CUL4A: variants seen among roughly 807,000 people sequenced by gnomAD.
The protein encoded by CUL4A is cullin 4A.
A neutral mutation model predicts 95.5 loss-of-function variants in CUL4A; 16 were observed. The observed-to-expected ratio is 0.17, with a 90% CI of 0.11 to 0.25. The LOEUF (loss-of-function observed/expected upper bound fraction) is 0.25, where lower values mean the gene tolerates loss of function less well. Ranked by LOEUF, CUL4A falls within the 10% of genes least tolerant of loss-of-function variation. The probability of loss-of-function intolerance (pLI) is 1.00; values close to 1 mark genes in which losing one functional copy is unlikely to be tolerated. For missense variants in CUL4A, 610 were observed against 937.0 expected, an observed-to-expected ratio of 0.65 and a Z score of 4.56; for synonymous variants, 380 against 353.1, an observed-to-expected ratio of 1.08 and a Z score of -0.85.
At chr13:113,217,591 C>G (rs1314809514) in intron 2 of CUL4A, among the ~76,000 whole-genome samples, 1 of 152,040 alleles carries the variant, frequency 6.6e-6, no homozygotes, top group African/African-American at 2.4e-5. Context: ...TAGCAGCTCT[C>G]CGATATTTAG....
intron 11 of CUL4A, among the ~76,000 whole-genome samples, chr13:113,243,508 A>C (rs781460612): frequency 6.6e-6 from 1 of 152,178 alleles, no homozygotes; most frequent in Non-Finnish European, 1.5e-5. Context: ...AAATGATAAT[A>C]CTATTTTTAA....
chr13:113,263,374 G>A (rs1033597205), intron 19 of CUL4A, 113 bp from the exon 20 acceptor site: 15 of 401,606 alleles, frequency 3.7e-5, no homozygotes, highest in Admixed American at 8.9e-5. Flanking sequence ...ATATCTATTT[G>A]TATATATATT....
At chr13:113,253,930 T>C (rs1230852725) in intron 16 of CUL4A, among the ~76,000 whole-genome samples, 1 of 152,250 alleles carries the variant, frequency 6.6e-6, no homozygotes, top group African/African-American at 2.4e-5. Context: ...AAATAAGTTA[T>C]ACATACCTAC....
chr13:113,255,962 G>A (rs923343313), intron 18 of CUL4A, among the ~76,000 whole-genome samples: 21 of 152,276 alleles, frequency 1.4e-4, no homozygotes, highest in African/African-American at 4.6e-4. Context: ...TCTTTCTCCC[G>A]AAGGTAACCA....
At position 113,244,521 on chromosome 13, in the gene CUL4A, C is replaced by T. The variant is rs1233083426; in HGVS notation, c.1333+7C>T. ...CTGTTCAGGTTTATCCACGGTGAGACTCGGGCACTCAGAAAATGCTGCATA... is the reference window on the plus strand; with the variant it reads ...CTGTTCAGGTTTATCCACGGTGAGATTCGGGCACTCAGAAAATGCTGCATA... On this transcript the variant is annotated splice_region_variant and intron_variant, in intron 12 of 19. Transcript: ENST00000375440. 6 of 1,600,382 alleles carry T rather than the reference C, an allele frequency of 3.7e-6. No homozygotes were observed. The highest frequency in any genetic ancestry group is 5.1e-6 in the Non-Finnish European group (6 of 1,170,226).
At chr13:113,243,208 C>T (rs1315991854) in intron 11 of CUL4A, 48 bp downstream of exon 11, 3 of 1,532,102 alleles carry the variant, frequency 2.0e-6, no homozygotes, top group Admixed American at 1.8e-5. Flanking sequence ...GAGACAGTCT[C>T]ACCCATTTCT....
intron 5 of CUL4A, chr13:113,230,331 C>CT (rs1450545560): frequency 6.6e-6 from 1 of 152,450 alleles, no homozygotes; most frequent in Non-Finnish European, 1.5e-5. Flanking sequence ...TTGCTCTTGT[C>CT]TGAGATGTCG....
intron 4 of CUL4A, 77 bp from the exon 5 acceptor site, chr13:113,229,369 A>C: frequency 8.5e-7 from 1 of 1,178,180 alleles, no homozygotes; most frequent in South Asian, 1.3e-5. Flanking sequence ...GACAGCTAGC[A>C]TGGAGTTAAA....
intron 1 of CUL4A, 45 bp downstream of exon 1, chr13:113,209,820 AC>A: frequency 9.5e-7 from 1 of 1,049,824 alleles, no homozygotes; most frequent in Non-Finnish European, 1.1e-6. Context: ...CCGGGCGGGG[AC>A]CCCACGAGAC....
chr13:113,237,979 AT>A (rs2041599396), intron 9 of CUL4A, among the ~76,000 whole-genome samples: 2 of 152,334 alleles, frequency 1.3e-5, no homozygotes, highest in South Asian at 2.1e-4. Flanking sequence ...AAACAGCCAG[AT>A]GTTGGTGCCT....
intron 15 of CUL4A, among the ~76,000 whole-genome samples, chr13:113,250,989 T>C (rs1274098024): frequency 6.6e-6 from 1 of 152,094 alleles, no homozygotes; most frequent in African/African-American, 2.4e-5. Flanking sequence ...CAGGAATTTC[T>C]GACAGGGCAC....
At chr13:113,233,483 A>C in intron 6 of CUL4A, 144 bp downstream of exon 6, 1 of 761,396 alleles carries the variant, frequency 1.3e-6, no homozygotes. Context: ...CTAGAAGGGG[A>C]ATAGCGCTCA....
At chr13:113,257,114 G>T (rs904483953) in intron 18 of CUL4A, among the ~76,000 whole-genome samples, 1 of 151,624 alleles carries the variant, frequency 6.6e-6, no homozygotes, top group African/African-American at 2.4e-5. Context: ...TAGTAGAGAC[G>T]GGGTTTCACC....
chr13:113,231,971 A>T (rs571177994), intron 5 of CUL4A, among the ~76,000 whole-genome samples: 22 of 146,158 alleles, frequency 1.5e-4, no homozygotes, highest in Admixed American at 1.2e-3. Context: ...AATATTATTA[A>T]TAATACTACC....
chr13:113,255,485 TA>T (rs1238364621), intron 18 of CUL4A, among the ~76,000 whole-genome samples: 1 of 152,216 alleles, frequency 6.6e-6, no homozygotes, highest in Non-Finnish European at 1.5e-5. Flanking sequence ...GGTAAATGTA[TA>T]ATGTTATGTA....
At chr13:113,238,305 A>T (rs1359737137) in intron 9 of CUL4A, among the ~76,000 whole-genome samples, 1 of 151,996 alleles carries the variant, frequency 6.6e-6, no homozygotes, top group African/African-American at 2.4e-5. Flanking sequence ...ATTTTTTTTT[A>T]AAGCCACAGG....
chr13:113,232,450 C>G (rs886837053), intron 5 of CUL4A, among the ~76,000 whole-genome samples: 2 of 146,598 alleles, frequency 1.4e-5, no homozygotes, highest in Non-Finnish European at 3.0e-5. Flanking sequence ...CACTCCTGCC[C>G]TGATGTGCCA....
intron 15 of CUL4A, among the ~76,000 whole-genome samples, chr13:113,248,544 A>G (rs1470671725): frequency 6.6e-6 from 1 of 152,116 alleles, no homozygotes; most frequent in Non-Finnish European, 1.5e-5. Flanking sequence ...TTATTGTGGT[A>G]AAATATACTT....
chr13:113,219,238 A>G, intron 3 of CUL4A, 190 bp downstream of exon 3: 1 of 485,846 alleles, frequency 2.1e-6, no homozygotes. Context: ...TTAAAGGGAA[A>G]CCGTGTTCAT....
Sources: gnomAD v4.1 joint callset for allele counts (sites outside exome capture counted in the v4.1 genomes callset) on GRCh38, gnomAD v4.1.1 for gene constraint, MANE v1.5 for transcripts, NCBI Gene and HGNC (gene_info 2026-07-23, HGNC 2026-07-21) for gene names.